LYPD6B: variants seen among roughly 807,000 people sequenced by gnomAD.
The protein encoded by LYPD6B is LY6/PLAUR domain containing 6B.
Under a neutral mutation model 22.8 loss-of-function variants are expected in LYPD6B, and 17 were observed. The ratio of observed to expected loss-of-function variants is 0.75; its 90% CI spans 0.51 to 1.12. The LOEUF (loss-of-function observed/expected upper bound fraction) is 1.12. LYPD6B is among the 50% of genes most tolerant of loss of function. The probability of loss-of-function intolerance (pLI) is 0.00; values close to 1 mark genes in which losing one functional copy is unlikely to be tolerated. For missense variants in LYPD6B, 221 were observed against 258.3 expected (o/e 0.86, Z 0.99); for synonymous variants, 106 against 91.6 (o/e 1.16, Z -0.90).
chr2:149,069,234 A>C (rs1684485217), intron 1 of LYPD6B, among the ~76,000 whole-genome samples: 1 of 152,144 alleles, frequency 6.6e-6, no homozygotes, highest in Non-Finnish European at 1.5e-5. Flanking sequence ...AGTCATTAAT[A>C]ATCATAACTT....
At chr2:149,100,393 A>T (rs1686138599) in intron 1 of LYPD6B, among the ~76,000 whole-genome samples, 1 of 118,118 alleles carries the variant, frequency 8.5e-6, no homozygotes. Flanking sequence ...AGCATAAGTT[A>T]GGTTGGTATC....
chr2:149,120,383 A>ATATATATATATATATTTTT (rs1327065975), intron 1 of LYPD6B, among the ~76,000 whole-genome samples: 1 of 48,614 alleles, frequency 2.1e-5, no homozygotes, highest in East Asian at 1.5e-3. Context: ...ATATATATAT[A>ATATATATATATATATTTTT]TTTTTTTTTT....
chr2:149,098,765 C>CTTTTTTTTTTTTGTTTTTTTTT (rs1686043524), intron 1 of LYPD6B, among the ~76,000 whole-genome samples: 1 of 140,116 alleles, frequency 7.1e-6, no homozygotes. Flanking sequence ...TGTGCTTTTT[C>CTTTTTTTTTTTTGTTTTTTTTT]TTTTTTTTTT....
chr2:149,179,830 G>A (rs1273676502), intron 3 of LYPD6B, among the ~76,000 whole-genome samples: 1 of 152,210 alleles, frequency 6.6e-6, no homozygotes, highest in Non-Finnish European at 1.5e-5. Context: ...ACAATAGGAA[G>A]CATAGCTGGT....
chr2:149,192,939 G>T (rs886472159), intron 3 of LYPD6B, among the ~76,000 whole-genome samples: 2 of 152,082 alleles, frequency 1.3e-5, no homozygotes, highest in East Asian at 1.9e-4. Context: ...AGTGTTAAGT[G>T]GGGGAGTGAT....
intron 4 of LYPD6B, among the ~76,000 whole-genome samples, chr2:149,207,550 G>T (rs1404712806): frequency 1.3e-5 from 2 of 151,568 alleles, no homozygotes; most frequent in African/African-American, 4.8e-5. Flanking sequence ...AAGACAAGTT[G>T]CTCTCAGTCC....
chr2:149,085,780 TTAAGG>T (rs1395036279), intron 1 of LYPD6B, among the ~76,000 whole-genome samples: 4 of 152,252 alleles, frequency 2.6e-5, no homozygotes. Context: ...AACTTGTATG[TTAAGG>T]TAACTTTTCT....
At chr2:149,096,811 G>A (rs1685923827) in intron 1 of LYPD6B, among the ~76,000 whole-genome samples, 1 of 152,116 alleles carries the variant, frequency 6.6e-6, no homozygotes, top group African/African-American at 2.4e-5. Flanking sequence ...AGAGCAGAAG[G>A]GAACAAACAA....
chr2:149,120,299 ATATATATATATG>A (rs1559009665), intron 1 of LYPD6B, among the ~76,000 whole-genome samples: 5 of 78,796 alleles, frequency 6.3e-5, no homozygotes, highest in Non-Finnish European at 1.3e-4. Context: ...GTATATACAC[ATATATATATATG>A]TGTATATATA....
intron 3 of LYPD6B, among the ~76,000 whole-genome samples, chr2:149,191,872 A>G (rs937790964): frequency 2.6e-5 from 4 of 152,242 alleles, no homozygotes; most frequent in Non-Finnish European, 5.9e-5. Flanking sequence ...GTAATAACAT[A>G]AAAGCCTGAA....
intron 1 of LYPD6B, among the ~76,000 whole-genome samples, chr2:149,050,421 G>C (rs768101838): frequency 6.6e-5 from 10 of 152,316 alleles, no homozygotes; most frequent in South Asian, 4.1e-4. Flanking sequence ...CTGCACAGAA[G>C]CCAGATATTA....
intron 1 of LYPD6B, among the ~76,000 whole-genome samples, chr2:149,044,774 C>T (rs1166705469): frequency 2.6e-5 from 4 of 151,942 alleles, no homozygotes; most frequent in African/African-American, 9.7e-5. Flanking sequence ...AAGAAATTTC[C>T]TTTGTACTCC....
chr2:149,139,916 A>G (rs550877519), intron 2 of LYPD6B, among the ~76,000 whole-genome samples: 1 of 152,374 alleles, frequency 6.6e-6, no homozygotes, highest in South Asian at 2.1e-4. Flanking sequence ...AGGTTAGACT[A>G]TAAGAAGAAC....
At chr2:149,138,627 G>C (rs186326715) in intron 2 of LYPD6B, among the ~76,000 whole-genome samples, 66 of 152,152 alleles carry the variant, frequency 4.3e-4, no homozygotes, top group East Asian at 1.9e-4. Context: ...CTGTATCATC[G>C]AACTCCTGGG....
chr2:149,086,638 T>C (rs936097626), intron 1 of LYPD6B, among the ~76,000 whole-genome samples: 2 of 152,198 alleles, frequency 1.3e-5, no homozygotes, highest in African/African-American at 4.8e-5. Flanking sequence ...TTCCCTTTTT[T>C]CTATGGGGAG....
chr2:149,116,077 A>T (rs1293632859), intron 1 of LYPD6B, among the ~76,000 whole-genome samples: 1 of 152,196 alleles, frequency 6.6e-6, no homozygotes, highest in Non-Finnish European at 1.5e-5. Flanking sequence ...ATTCCATCTC[A>T]TCATGTAGGC....
chr2:149,070,628 T>G (rs1684560731), intron 1 of LYPD6B, among the ~76,000 whole-genome samples: 1 of 152,186 alleles, frequency 6.6e-6, no homozygotes, highest in Non-Finnish European at 1.5e-5. Flanking sequence ...TGGCTTCTAG[T>G]CATCATAACT....
At chr2:149,205,992 A>T (rs956175653) in intron 4 of LYPD6B, 1 of 468,480 alleles carries the variant, frequency 2.1e-6, no homozygotes, top group Non-Finnish European at 4.4e-6. Context: ...TTGTATACAT[A>T]TGTCATTAAC....
intron 1 of LYPD6B, among the ~76,000 whole-genome samples, chr2:149,074,909 C>T (rs1684810241): frequency 6.6e-6 from 1 of 152,194 alleles, no homozygotes; most frequent in African/African-American, 2.4e-5. Flanking sequence ...ATTTTTCCTC[C>T]TCCAGGCAGC....
Sources: allele counts gnomAD v4.1 joint callset (sites outside exome capture counted in the v4.1 genomes callset), GRCh38; gene constraint gnomAD v4.1.1; transcripts MANE v1.5; gene names NCBI Gene and HGNC (gene_info 2026-07-23, HGNC 2026-07-21).